The following CEP135 variants were observed in gnomAD, a reference collection of about 807,000 sequenced individuals.
The protein encoded by CEP135 is centrosomal protein 135, also known as centrosomal protein of 135 kDa.
In CEP135, 142 loss-of-function variants were observed where a neutral mutation model predicts 157.3. The ratio of observed to expected loss-of-function variants is 0.90; its 90% confidence interval spans 0.79 to 1.04. CEP135 has a LOEUF of 1.04. Ranked by LOEUF, CEP135 falls within the 50% of genes least tolerant of loss-of-function variation. The probability of loss-of-function intolerance (pLI) is 0.00; values close to 1 mark genes in which losing one functional copy is unlikely to be tolerated. For missense variants in CEP135, 1,317 were observed against 1,309.2 expected (o/e 1.01, Z -0.09); for synonymous variants, 396 against 439.8 (o/e 0.90, Z 1.25).
intron 6 of CEP135, 134 bp from the exon 7 acceptor site, chr4:55,964,140 G>T: frequency 1.4e-6 from 1 of 739,660 alleles, no homozygotes. Context: ...TATAATATAT[G>T]GACACAAATA....
rs77699802 is a variant in CEP135 at position 55,993,641 on chromosome 4, C to T, written c.2009+1556C>T. Among the ~76,000 whole-genome samples the T allele has an allele frequency of 5.0e-3, 765 of 152,300 alleles. 11 individuals carry two copies. The highest frequency in any genetic ancestry group is 0.018 in the African/African-American group (743 of 41,562). Reference sequence around the variant, plus strand: ...GACATATTCTTGTCATCCAGAATTTCACTTGTCACTTTCGTGTCCAGCTGA... The same window carrying T: ...GACATATTCTTGTCATCCAGAATTTTACTTGTCACTTTCGTGTCCAGCTGA... On this transcript the variant is annotated intron_variant, in intron 15 of 25. Transcript: ENST00000257287.
In CEP135 at chr4:56,012,083, A is replaced by G. The variant is rs949757148; in HGVS notation, c.2802+98A>G. 5 of 813,286 alleles carry G rather than the reference A, an allele frequency of 6.1e-6. No individual in the cohort carries two copies. The East Asian group carries it at 1.7e-4, about 27-fold the overall frequency. 50.4% of individuals were successfully genotyped at this position (813,286 alleles called of 1,614,324 possible). A position where few individuals can be genotyped will look rare whatever the true frequency, so the allele number is the denominator to read the frequency against. On this transcript the variant is annotated intron_variant, in intron 21 of 25. Transcript: ENST00000257287. ...TATTTATTTATTTTTTTTGAGATGA[A>G]GTCTGACTCTGTTGCCCAGGCTGGA...
chr4:55,965,862 A>G lies in CEP135; in HGVS notation c.1044+3A>G, dbSNP rs752733205. ...ATAAAGAGCTTGGGGAAGCAAAGGTAATGAATGATATGTGTAGATTGTGAG... is the reference window on the plus strand; with the variant it reads ...ATAAAGAGCTTGGGGAAGCAAAGGTGATGAATGATATGTGTAGATTGTGAG... On this transcript the variant is annotated splice_donor_region_variant and intron_variant, in intron 8 of 25. Transcript: ENST00000257287. 8 of 1,606,532 alleles carry G rather than the reference A, an allele frequency of 5.0e-6. No individual in the cohort carries two copies. Among genetic ancestry groups the G allele is most frequent in the South Asian group, 1.1e-5 (1 of 90,480 alleles).
intron 24 of CEP135, among the ~76,000 whole-genome samples, chr4:56,023,825 A>G (rs1315155070): frequency 7.1e-6 from 1 of 140,792 alleles, no homozygotes; most frequent in Non-Finnish European, 1.5e-5. Flanking sequence ...AATGCATTAT[A>G]TAATACATAT....
intron 15 of CEP135, among the ~76,000 whole-genome samples, chr4:55,996,322 A>G (rs561889714): frequency 2.6e-5 from 4 of 152,258 alleles, no homozygotes; most frequent in South Asian, 4.1e-4. Flanking sequence ...GGGTCTCACA[A>G]TGTTGCCCAG....
chr4:56,007,351 C>T (rs1296513831), intron 17 of CEP135, among the ~76,000 whole-genome samples: 3 of 152,214 alleles, frequency 2.0e-5, no homozygotes, highest in East Asian at 1.9e-4. Context: ...GCTCAGACCC[C>T]TGCCCATCTG....
At chr4:56,018,962 A>C (rs1730876562) in intron 22 of CEP135, among the ~76,000 whole-genome samples, 1 of 152,108 alleles carries the variant, frequency 6.6e-6, no homozygotes, top group Non-Finnish European at 1.5e-5. Flanking sequence ...ATTTTCACTC[A>C]TCTAGTAGTA....
intron 21 of CEP135, among the ~76,000 whole-genome samples, chr4:56,012,281 C>A (rs1414417407): frequency 6.6e-6 from 1 of 152,154 alleles, no homozygotes; most frequent in Non-Finnish European, 1.5e-5. Flanking sequence ...CTCTCGAACT[C>A]CTGACCTTGA....
chr4:55,979,358 T>C (rs376801524), intron 11 of CEP135, among the ~76,000 whole-genome samples: 1 of 152,366 alleles, frequency 6.6e-6, no homozygotes, highest in Admixed American at 6.5e-5. Context: ...TGAATTGTAC[T>C]AAATTGTAGG....
At chr4:56,016,712 A>G (rs1730787567) in intron 21 of CEP135, among the ~76,000 whole-genome samples, 1 of 152,068 alleles carries the variant, frequency 6.6e-6, no homozygotes, top group South Asian at 2.1e-4. Context: ...GTCTTGCACC[A>G]TCGGCCAGGC....
chr4:56,012,841 T>C (rs1730632338), intron 21 of CEP135, among the ~76,000 whole-genome samples: 1 of 152,270 alleles, frequency 6.6e-6, no homozygotes, highest in Non-Finnish European at 1.5e-5. Context: ...TGAATAATGC[T>C]GCTATGAACA....
At chr4:55,956,434 A>G (rs985258818) in intron 4 of CEP135, among the ~76,000 whole-genome samples, 2 of 152,190 alleles carry the variant, frequency 1.3e-5, no homozygotes, top group Non-Finnish European at 2.9e-5. Flanking sequence ...CCTAATTCAG[A>G]TTATAGCATG....
intron 9 of CEP135, among the ~76,000 whole-genome samples, chr4:55,969,824 GA>G (rs993465318): frequency 7.2e-5 from 11 of 152,124 alleles, no homozygotes; most frequent in African/African-American, 2.7e-4. Flanking sequence ...TGATTAACTT[GA>G]AATATTTGTT....
chr4:56,027,996 A>G (rs1280891491), intron 25 of CEP135, among the ~76,000 whole-genome samples: 1 of 152,080 alleles, frequency 6.6e-6, no homozygotes. Flanking sequence ...GAATTTGCCT[A>G]TTTTACATTT....
At chr4:55,999,842 C>G (rs1021733493) in intron 17 of CEP135, among the ~76,000 whole-genome samples, 197 bp downstream of exon 17, 1 of 152,130 alleles carries the variant, frequency 6.6e-6, no homozygotes, top group Non-Finnish European at 1.5e-5. Flanking sequence ...AGCCACTACT[C>G]CTAGCCGGAA....
intron 17 of CEP135, among the ~76,000 whole-genome samples, chr4:56,007,929 G>A (rs747803044): frequency 6.6e-6 from 1 of 152,156 alleles, no homozygotes. Flanking sequence ...AAGTCAGCTT[G>A]TGACTACACC....
In CEP135 at chr4:55,980,585, A is replaced by C. The variant is rs6849999; in HGVS notation, c.1626+290A>C. On this transcript the variant is annotated intron_variant, in intron 12 of 25. Transcript: ENST00000257287. ...CAGGTCTCAGCCTGACTCTGAGCCA[A>C]ATTTATGCTTGGAATTCAGACGTAG... Among the ~76,000 whole-genome samples, 37,618 of 152,032 alleles carry C rather than the reference A, an allele frequency of 0.25. 4,781 individuals are homozygous for C. The highest frequency in any genetic ancestry group is 0.29 in the African/African-American group (12,178 of 41,486).
At chr4:55,965,086 A>G (rs1728802031) in intron 7 of CEP135, 2 of 152,536 alleles carry the variant, frequency 1.3e-5, no homozygotes, top group Admixed American at 6.5e-5. Context: ...TATGAGCCAT[A>G]TATGTAATTT....
At chr4:55,971,869 G>A (rs1410254972) in intron 10 of CEP135, among the ~76,000 whole-genome samples, 1 of 152,046 alleles carries the variant, frequency 6.6e-6, no homozygotes, top group African/African-American at 2.4e-5. Flanking sequence ...GAATTCATTC[G>A]GCTGGGCGCG....
Sources: allele counts gnomAD v4.1 joint callset (sites outside exome capture counted in the v4.1 genomes callset), GRCh38; gene constraint gnomAD v4.1.1; transcripts MANE v1.5; gene names NCBI Gene and HGNC (gene_info 2026-07-23, HGNC 2026-07-21).